Variants in ZNF536 observed in about 807,000 individuals in gnomAD.
The protein encoded by ZNF536 is zinc finger protein 536.
A neutral mutation model predicts 84.5 loss-of-function variants in ZNF536; 13 were observed. The observed-to-expected ratio is 0.15, with a 90% confidence interval of 0.10 to 0.24. ZNF536 has a LOEUF of 0.24. Among genes scored for constraint, ZNF536 ranks in the 10% least tolerant of loss-of-function variants. The pLI, the probability that ZNF536 is intolerant of heterozygous loss-of-function variation, is 1.00. For synonymous variants in ZNF536, 811 were observed against 742.5 expected (o/e 1.09, Z -1.50); for missense variants, 1,536 against 1,747.5 (o/e 0.88, Z 2.16).
chr19:30,609,211 T>G (rs2048004121), intron 1 of ZNF536, among the ~76,000 whole-genome samples: 6 of 152,330 alleles, frequency 3.9e-5, no homozygotes, highest in Admixed American at 2.6e-4. Context: ...GAAGACTTGT[T>G]TGAACCCCAG....
intron 2 of ZNF536, among the ~76,000 whole-genome samples, chr19:30,305,886 C>T (rs2046327960): frequency 6.6e-6 from 1 of 152,220 alleles, no homozygotes; most frequent in African/African-American, 2.4e-5. Context: ...TCCCTCGGTC[C>T]ACCCGCAGTG....
chr19:30,584,492 T>C (rs1051770788), intron 1 of ZNF536, among the ~76,000 whole-genome samples: 20 of 152,166 alleles, frequency 1.3e-4, no homozygotes, highest in Non-Finnish European at 2.5e-4. Flanking sequence ...TAAATAAAAG[T>C]GTGTGACTCT....
chr19:30,483,217 T>C (rs540364337), intron 2 of ZNF536, among the ~76,000 whole-genome samples: 7 of 152,332 alleles, frequency 4.6e-5, no homozygotes, highest in African/African-American at 1.7e-4. Flanking sequence ...CCTCTCTGGG[T>C]TGTACCTGTT....
intron 2 of ZNF536, among the ~76,000 whole-genome samples, chr19:30,305,687 TGGGTTTG>T (rs967734424): frequency 1.3e-5 from 2 of 152,170 alleles, no homozygotes; most frequent in Admixed American, 6.5e-5. Context: ...ACCCCAGATC[TGGGTTTG>T]GGGTTTGGGG....
rs1316830777 is a variant in ZNF536, at chr19:30,297,908, CCCCCCTCTGTCGCCCAGGCTGGAGT to C, written c.-120+13768_-120+13792del. ...TTTTTTTTCTCAAGACGGAGTCCCC[CCCCCCTCTGTCGCCCAGGCTGGAGT>C]GCAGTGGTGCGATCTTGGCTCACTG... On this transcript the variant is annotated intron_variant, in intron 2 of 5. Coordinates refer to the ZNF536 transcript ENST00000585628. 8.7e-3 allele frequency among the ~76,000 whole-genome samples: 1,307 copies of C among 150,150 alleles called. 22 individuals are homozygous for C. The highest frequency in any genetic ancestry group is 0.03 in the African/African-American group (1,218 of 40,624).
chr19:30,642,165 C>G (rs1015889309), intron 1 of ZNF536, among the ~76,000 whole-genome samples: 2 of 152,154 alleles, frequency 1.3e-5, no homozygotes, highest in Non-Finnish European at 2.9e-5. Flanking sequence ...ATGTAAGGAA[C>G]CCCGTGGTGA....
At chr19:30,643,472 A>G (rs186173449) in intron 1 of ZNF536, among the ~76,000 whole-genome samples, 59 of 152,320 alleles carry the variant, frequency 3.9e-4, no homozygotes, top group African/African-American at 1.4e-3. Flanking sequence ...TACCATTTAT[A>G]CAGTGTTTAA....
intron 1 of ZNF536, among the ~76,000 whole-genome samples, chr19:30,659,895 A>C (rs964210124): frequency 6.6e-6 from 1 of 151,294 alleles, no homozygotes; most frequent in Non-Finnish European, 1.5e-5. Flanking sequence ...ACTTGGACTC[A>C]CCTTTCTGCA....
intron 1 of ZNF536, among the ~76,000 whole-genome samples, chr19:30,435,562 A>G (rs1436811467): frequency 6.6e-6 from 1 of 150,812 alleles, no homozygotes; most frequent in Non-Finnish European, 1.5e-5. Flanking sequence ...AATGGTGGTA[A>G]TGATGGTGAT....
At chr19:30,379,695 G>A (rs1481770373) in intron 1 of ZNF536, among the ~76,000 whole-genome samples, 1 of 151,756 alleles carries the variant, frequency 6.6e-6, no homozygotes, top group South Asian at 2.1e-4. Context: ...AGGCTGCTCA[G>A]GGGTGGTGCA....
intron 2 of ZNF536, among the ~76,000 whole-genome samples, chr19:30,460,996 G>T (rs2148419597): frequency 6.6e-6 from 1 of 152,282 alleles, no homozygotes; most frequent in Non-Finnish European, 1.5e-5. Flanking sequence ...ACTCTGAAAG[G>T]ACACAGAAGG....
At chr19:30,240,121 C>T (rs2023830625) in intron 1 of ZNF536, among the ~76,000 whole-genome samples, 1 of 152,158 alleles carries the variant, frequency 6.6e-6, no homozygotes. Flanking sequence ...GTAATCCTAA[C>T]ACTTTGAGAG....
intron 2 of ZNF536, among the ~76,000 whole-genome samples, chr19:30,489,129 C>A (rs756106392): frequency 1.6e-4 from 25 of 152,208 alleles, no homozygotes; most frequent in Non-Finnish European, 3.2e-4. Context: ...AGAAATGTGT[C>A]AGCAAGTCTT....
At chr19:30,481,300 C>A in intron 2 of ZNF536, among the ~76,000 whole-genome samples, 1 of 152,150 alleles carries the variant, frequency 6.6e-6, no homozygotes, top group East Asian at 1.9e-4. Context: ...GCTAGATGCC[C>A]ACTATCGTCT....
intron 1 of ZNF536, among the ~76,000 whole-genome samples, chr19:30,603,556 G>A (rs965945): frequency 0.49 from 74,432 of 151,962 alleles, 18,865 homozygotes; most frequent in South Asian, 0.58. Flanking sequence ...TTATCTTATT[G>A]AACACTATGG....
intron 1 of ZNF536, among the ~76,000 whole-genome samples, chr19:30,634,685 A>G (rs538521534): frequency 2.2e-4 from 34 of 152,210 alleles, no homozygotes; most frequent in African/African-American, 7.7e-4. Flanking sequence ...TGAATGTTGC[A>G]TCCACGCGTG....
intron 1 of ZNF536, among the ~76,000 whole-genome samples, chr19:30,230,556 C>G (rs1424513833): frequency 6.6e-6 from 1 of 152,214 alleles, no homozygotes; most frequent in Admixed American, 6.5e-5. Context: ...TCACGCTGTT[C>G]TGGTCCAAGT....
intron 1 of ZNF536, among the ~76,000 whole-genome samples, chr19:30,669,095 A>G (rs1413748127): frequency 1.3e-5 from 2 of 152,198 alleles, no homozygotes; most frequent in Non-Finnish European, 2.9e-5. Context: ...GAGGCTTCCT[A>G]GAGCCCAGCT....
chr19:30,637,273 C>A (rs933956637), intron 1 of ZNF536, among the ~76,000 whole-genome samples: 1 of 152,200 alleles, frequency 6.6e-6, no homozygotes, highest in Non-Finnish European at 1.5e-5. Context: ...CAGTCTCTAG[C>A]CTTTCCACTT....
Sources: gnomAD v4.1 joint callset for allele counts (sites outside exome capture counted in the v4.1 genomes callset) on GRCh38, gnomAD v4.1.1 for gene constraint, MANE v1.5 for transcripts, NCBI Gene and HGNC (gene_info 2026-07-23, HGNC 2026-07-21) for gene names.